RSPRY1: variants seen among roughly 807,000 people sequenced by gnomAD.
RSPRY1 encodes RING finger and SPRY domain-containing protein 1.
Under a neutral mutation model 73.1 loss-of-function variants are expected in RSPRY1, and 23 were observed. That is an observed-to-expected ratio of 0.31 (90% CI 0.23 to 0.45). RSPRY1 has a LOEUF of 0.45. Ranked by LOEUF, RSPRY1 falls within the 20% of genes least tolerant of loss-of-function variation. The probability of loss-of-function intolerance (pLI) is 1.00; values close to 1 mark genes in which losing one functional copy is unlikely to be tolerated. For synonymous variants in RSPRY1, 226 were observed against 251.4 expected, an observed-to-expected ratio of 0.90 and a Z score of 0.95; for missense variants, 448 against 698.7, an observed-to-expected ratio of 0.64 and a Z score of 4.05.
At chr16:57,187,993 C>CAT (rs761171906) in intron 1 of RSPRY1, among the ~76,000 whole-genome samples, 31 of 152,136 alleles carry the variant, frequency 2.0e-4, no homozygotes, top group Non-Finnish European at 4.0e-4. Context: ...CCCCCTTTTG[C>CAT]ATATATATAT....
In RSPRY1 at chr16:57,234,198, C is replaced by T. The variant is rs570730366; in HGVS notation, c.1530-926C>T. On this transcript the variant is annotated intron_variant, in intron 13 of 14. Transcript: ENST00000394420. Reference sequence around the variant, plus strand: ...CACCAGGCCTATGATAGCTTCAGGGCACTTGCTGTTCCTGCTACCCGAAAC... The same window carrying T: ...CACCAGGCCTATGATAGCTTCAGGGTACTTGCTGTTCCTGCTACCCGAAAC... Among the ~76,000 whole-genome samples the T allele has an allele frequency of 2.6e-5, 4 of 152,308 alleles. No homozygotes were observed. The South Asian group carries it at 8.3e-4, about 32-fold the overall frequency.
intron 4 of RSPRY1, among the ~76,000 whole-genome samples, chr16:57,210,911 A>G (rs2074830465): frequency 6.6e-6 from 1 of 150,958 alleles, no homozygotes; most frequent in Admixed American, 6.6e-5. Flanking sequence ...CCAGCTGCTC[A>G]GGAGGCTGAG....
intron 10 of RSPRY1, 34 bp downstream of exon 10, chr16:57,221,449 A>C: frequency 6.3e-7 from 1 of 1,574,992 alleles, no homozygotes; most frequent in Non-Finnish European, 8.6e-7. Flanking sequence ...AAATGGGAGC[A>C]GTGGCAGTTT....
At chr16:57,203,932 C>A (rs1389940988) in intron 1 of RSPRY1, among the ~76,000 whole-genome samples, 1 of 152,176 alleles carries the variant, frequency 6.6e-6, no homozygotes, top group Non-Finnish European at 1.5e-5. Context: ...TCTGTCAGTT[C>A]TTGAGTGAGC....
chr16:57,234,758 A>G (rs1214401600), intron 13 of RSPRY1, among the ~76,000 whole-genome samples: 1 of 152,232 alleles, frequency 6.6e-6, no homozygotes, highest in South Asian at 2.1e-4. Context: ...GTTTTTCTTG[A>G]GAAAGCCTCT....
At chr16:57,194,091 A>G (rs893993142) in intron 1 of RSPRY1, among the ~76,000 whole-genome samples, 1 of 152,196 alleles carries the variant, frequency 6.6e-6, no homozygotes, top group African/African-American at 2.4e-5. Flanking sequence ...TGCACATTTC[A>G]GTGTATGTAA....
Position 57,220,761 on chromosome 16 carries a change from G to T in RSPRY1, c.931G>T (p.Glu311Ter). 6.2e-7 allele frequency: 1 copy of T among 1,613,592 alleles called. No homozygotes were observed. The highest frequency in any genetic ancestry group is 1.1e-5 in the South Asian group (1 of 91,042). The change falls in exon 9 of 15, where the codon GAG becomes TAG. Residue 311 changes from glutamate to a stop codon, truncating the protein, a stop_gained. Coordinates refer to ENST00000394420, the MANE Select transcript of RSPRY1 (RefSeq NM_133368.3). LOFTEE classifies it high-confidence loss of function. ...AAAAGAAGGTAGACAGCTGACCTAT[G>T]AGAAAGTGAACTTGAGTAGCATTAG... ...FLKEGRQLTY[E>*]KVNLSSIRAM...
chr16:57,191,119 A>G (rs72778732), intron 1 of RSPRY1, among the ~76,000 whole-genome samples: 7,168 of 152,242 alleles, frequency 0.047, 225 homozygotes, highest in Non-Finnish European at 0.069. Flanking sequence ...CTTACTCAGC[A>G]AGTATATTAC....
intron 14 of RSPRY1, among the ~76,000 whole-genome samples, chr16:57,237,020 T>TCC (rs2075309859): frequency 2.6e-5 from 4 of 151,946 alleles, no homozygotes; most frequent in Non-Finnish European, 4.4e-5. Flanking sequence ...CAAAAAAAAT[T>TCC]ACCCGGGCGT....
At chr16:57,200,540 C>T (rs1472782982) in intron 1 of RSPRY1, among the ~76,000 whole-genome samples, 4 of 148,004 alleles carry the variant, frequency 2.7e-5, no homozygotes, top group Non-Finnish European at 4.5e-5. Context: ...GGGGGCTGAC[C>T]TCCCTGCCTC....
At position 57,193,755 on chromosome 16, in the gene RSPRY1, C is replaced by T. The variant is rs188654921; in HGVS notation, c.-156+7304C>T. On this transcript the variant is annotated intron_variant, in intron 1 of 14. Coordinates refer to ENST00000394420, the MANE Select transcript of RSPRY1 (RefSeq NM_133368.3). ...TATATGCATTTGATAAAACTCAGCA[C>T]GTTACTGTGCTTAAGATTTGCACAT... 4.6e-5 allele frequency among the ~76,000 whole-genome samples: 7 copies of T among 152,264 alleles called. No individual in the cohort carries two copies. The East Asian group carries it at 5.8e-4, about 13-fold the overall frequency.
chr16:57,231,463 T>A, intron 13 of RSPRY1, 144 bp downstream of exon 13: 1 of 807,836 alleles, frequency 1.2e-6, no homozygotes, highest in Non-Finnish European at 1.9e-6. Context: ...AATATAAATT[T>A]CTAAGATCGC....
At chr16:57,226,308 A>G (rs1263522680) in intron 10 of RSPRY1, among the ~76,000 whole-genome samples, 3 of 152,096 alleles carry the variant, frequency 2.0e-5, no homozygotes, top group Admixed American at 6.6e-5. Flanking sequence ...GGGTTTTTGG[A>G]CCTCGCGCAA....
In RSPRY1 at chr16:57,204,645, T is replaced by C; in HGVS notation, c.-14T>C. ...GTTATGAAAACAGTACTTGGAAAAC[T>C]GAAAACTACCTAAATGATCGTCTTT... On this transcript the variant is annotated 5_prime_UTR_variant, in exon 2 of 15. Transcript: ENST00000394420. 1 of 1,609,062 alleles carries C rather than the reference T, an allele frequency of 6.2e-7. No homozygotes were observed. Among genetic ancestry groups the C allele is most frequent in the Non-Finnish European group, 8.5e-7 (1 of 1,176,428 alleles).
rs74547421 is a variant in RSPRY1 at position 57,203,746 on chromosome 16, C to G, written c.-155-758C>G. Among the ~76,000 whole-genome samples, 1,099 of 152,322 alleles carry G rather than the reference C, an allele frequency of 7.2e-3. 12 individuals are homozygous for G. The highest frequency in any genetic ancestry group is 0.025 in the African/African-American group (1,059 of 41,560). ...TCCAGCGTGGTACCTGGCACAAGGT[C>G]CTTAGTCAGTATTTTCAGGCAAAGA... On this transcript the variant is annotated intron_variant, in intron 1 of 14. Transcript: ENST00000394420.
At position 57,202,922 on chromosome 16, in the gene RSPRY1, T is replaced by A. The variant is rs1308013780; in HGVS notation, c.-155-1582T>A. Among the ~76,000 whole-genome samples the A allele has an allele frequency of 4.4e-5, 6 of 135,828 alleles. No homozygotes were observed. The South Asian group carries it at 1.7e-3, about 39-fold the overall frequency. 89.1% of individuals were successfully genotyped at this position (135,828 alleles called of 152,430 possible). Reference sequence around the variant, plus strand: ...TATATATATATCTGAAGACTTTCTGTCTCCATTTTTCTCTTTTTCTTCTAT... The same window carrying A: ...TATATATATATCTGAAGACTTTCTGACTCCATTTTTCTCTTTTTCTTCTAT... On this transcript the variant is annotated intron_variant, in intron 1 of 14. Coordinates refer to ENST00000394420, the MANE Select transcript of RSPRY1 (RefSeq NM_133368.3).
chr16:57,223,090 T>C (rs765400160), intron 10 of RSPRY1, among the ~76,000 whole-genome samples: 7 of 152,228 alleles, frequency 4.6e-5, no homozygotes, highest in African/African-American at 4.8e-5. Context: ...CTATTAGAAA[T>C]TGATAAAGTC....
chr16:57,221,109 GT>G (rs2075027444), intron 9 of RSPRY1, among the ~76,000 whole-genome samples, 162 bp from the exon 10 acceptor site: 1 of 152,220 alleles, frequency 6.6e-6, no homozygotes, highest in African/African-American at 2.4e-5. Context: ...GCCTTATGTA[GT>G]TTGGTTTTGT....
chr16:57,232,872 G>A (rs1363120946), intron 13 of RSPRY1, among the ~76,000 whole-genome samples: 1 of 152,170 alleles, frequency 6.6e-6, no homozygotes, highest in African/African-American at 2.4e-5. Flanking sequence ...GCTGTCTCTA[G>A]ACTGTTTTCT....
Sources: allele counts gnomAD v4.1 joint callset (sites outside exome capture counted in the v4.1 genomes callset), GRCh38; gene constraint gnomAD v4.1.1; transcripts MANE v1.5; gene names NCBI Gene and HGNC (gene_info 2026-07-23, HGNC 2026-07-21).